PPIAL4H: variants seen among roughly 807,000 people sequenced by gnomAD.
PPIAL4H encodes peptidylprolyl isomerase A like 4H, also known as peptidyl-prolyl cis-trans isomerase A-like 4H.
A neutral mutation model predicts 7.5 loss-of-function variants in PPIAL4H; 6 were observed. The ratio of observed to expected loss-of-function variants is 0.80; its 90% CI spans 0.44 to 1.58. The LOEUF (loss-of-function observed/expected upper bound fraction) is 1.58, where lower values mean the gene tolerates loss of function less well. PPIAL4H is among the 40% of genes most tolerant of loss of function. PPIAL4H has a pLI of 0.01. For synonymous variants in PPIAL4H, 43 were observed against 76.6 expected (o/e 0.56, Z 2.29); for missense variants, 115 against 211.6 (o/e 0.54, Z 2.83).
chr1:146,344,481 A>C lies in PPIAL4H; in HGVS notation c.235T>G (p.Tyr79Asp). Reference sequence around the variant, plus strand: ...TTCTCATCATCAAATTTCTCCCCATAGATGGACTTGTCATCGGTGCCATTA... The same window carrying C: ...TTCTCATCATCAAATTTCTCCCCATCGATGGACTTGTCATCGGTGCCATTA... ...RPNGTDDKSIYGEKFDDENLI... is the reference protein window; with the variant it reads ...RPNGTDDKSIDGEKFDDENLI... Residue 79 changes from tyrosine to aspartate, a missense_variant, in exon 1 of 1, where the codon TAT becomes GAT. Tyr to Asp is a radical substitution (Grantham distance 160). Coordinates refer to ENST00000584068, the MANE Select transcript of PPIAL4H (RefSeq NM_001368128.3). 6.3e-7 allele frequency: 1 copy of C among 1,588,516 alleles called. No homozygotes were observed.
rs1387879833 is a variant in PPIAL4H at position 146,344,386 on chromosome 1, G to A, written c.330C>T (p.Ser110=). ...MVNAGPNTNG[S]QLFICTAKTE... ...TCTTGGCAGTGCAGATGAATAACTG[G>A]GAGCCATTTGTGTTGGGTCCAGCAT... The change falls in exon 1 of 1, where the codon TCC becomes TCT. Residue 110 remains serine, a synonymous_variant. Transcript: ENST00000584068. The A allele has an allele frequency of 1.0e-5, 16 of 1,588,300 alleles. 1 individual carries two copies. The African/African-American group carries it at 1.2e-4, about 12-fold the overall frequency.
rs1666622119 is a variant in PPIAL4H, at chr1:146,344,583, C to T, written c.133G>A (p.Gly45Arg). The change falls in exon 1 of 1, where the codon GGA (glycine) becomes AGA (arginine). Residue 45 changes from glycine to arginine, a missense_variant. Physicochemically the swap from Gly to Arg is moderately radical, Grantham distance 125. Around this residue, in one of 3 missense-constraint regions of PPIAL4H, gnomAD observed 36 missense variants for 100.4 expected, o/e 0.36. Transcript: ENST00000584068. ...AAGCAGGAACCCTTATAACGAAATC[C>T]TTTCTCTCCAGTGCTCAGAGCACGA... ...NFRALSTGEK[G>R]FRYKGSCFHR... The T allele has an allele frequency of 1.3e-6, 2 of 1,576,056 alleles. No homozygotes were observed. Among genetic ancestry groups the T allele is most frequent in the Non-Finnish European group, 8.6e-7 (1 of 1,157,786 alleles).
chr1:146,344,202 A>G lies in PPIAL4H; in HGVS notation c.*19T>C. On this transcript the variant is annotated 3_prime_UTR_variant, in exon 1 of 1. Coordinates refer to ENST00000584068, the MANE Select transcript of PPIAL4H (RefSeq NM_001368128.3). ...AATGAATGGGTCTGGTGGTGAAAAT[A>G]AAACACAAGTCAAACTCATTAGAAT... 1 of 1,558,000 alleles carries G rather than the reference A, an allele frequency of 6.4e-7. No individual in the cohort carries two copies. The highest frequency in any genetic ancestry group is 1.7e-5 in the Admixed American group (1 of 58,094).
Position 146,344,156 on chromosome 1 carries a change from G to T in PPIAL4H, c.*65C>A. ...GATATTGCAAGCAAATGTGGTGGAG[G>T]GGTGCTCTCCTGAGCTACAGAATGA... On this transcript the variant is annotated 3_prime_UTR_variant, in exon 1 of 1. Transcript: ENST00000584068. 6.5e-7 allele frequency: 1 copy of T among 1,546,590 alleles called. No homozygotes were observed.
Position 146,344,697 on chromosome 1 carries a change from AGAC to A in PPIAL4H, c.16_18del (p.Val6del). 1 of 1,395,174 alleles carries A rather than the reference AGAC, an allele frequency of 7.2e-7. No homozygotes were observed. The highest frequency in any genetic ancestry group is 9.9e-7 in the Non-Finnish European group (1 of 1,014,480). The allele number at this position is 1,395,174 out of a possible 1,614,324, so 86.4% of individuals were successfully genotyped here. A position where few individuals can be genotyped will look rare whatever the true frequency, so the allele number is the denominator to read the frequency against. ...TTGCCGTCGACGGTGATGTCAAAAA[AGAC>A]GACGGAGTTGACCATGGCTGATAGT... On this transcript the variant is annotated inframe_deletion, in exon 1 of 1. Coordinates refer to ENST00000584068, the MANE Select transcript of PPIAL4H (RefSeq NM_001368128.3).
In PPIAL4H at chr1:146,344,428, G is replaced by A. The variant is rs1460324785; in HGVS notation, c.288C>T (p.Gly96=). 1.9e-6 allele frequency: 3 copies of A among 1,588,676 alleles called. No individual in the cohort carries two copies. The highest frequency in any genetic ancestry group is 1.7e-5 in the Admixed American group (1 of 58,682). ...GTCCAGCATTTACCATGGACAAGAT[G>A]CCAGAACCTGTATGCTTTCGGATGA... ...ENLIRKHTGS[G]ILSMVNAGPN... The change falls in exon 1 of 1, where the codon GGC becomes GGT. Residue 96 remains glycine, a synonymous_variant. Transcript: ENST00000584068.
Position 146,344,216 on chromosome 1 carries a change from A to G in PPIAL4H, c.*5T>C. 2 of 1,559,112 alleles carry G rather than the reference A, an allele frequency of 1.3e-6. No individual in the cohort carries two copies. Among genetic ancestry groups the G allele is most frequent in the South Asian group, 1.1e-5 (1 of 89,276 alleles). On this transcript the variant is annotated 3_prime_UTR_variant, in exon 1 of 1. Transcript: ENST00000584068. ...GTGGTGAAAATAAAACACAAGTCAA[A>G]CTCATTAGAATTGTCCACAGTCAGC... is the stretch of plus-strand genomic sequence containing the variant.
In PPIAL4H at chr1:146,344,654, G is replaced by C; in HGVS notation, c.62C>G (p.Ser21Cys). The C allele has an allele frequency of 6.6e-7, 1 of 1,513,422 alleles. No individual in the cohort carries two copies. Among genetic ancestry groups the C allele is most frequent in the South Asian group, 1.1e-5 (1 of 87,698 alleles). 93.7% of individuals were successfully genotyped at this position (1,513,422 alleles called of 1,614,324 possible). Residue 21 changes from serine to cysteine, a missense_variant, in exon 1 of 1, where the codon TCC (serine) becomes TGC (cysteine). This residue lies in a region of PPIAL4H where 36 missense variants were observed against 100.4 expected (regional missense o/e 0.36). Coordinates refer to ENST00000584068, the MANE Select transcript of PPIAL4H (RefSeq NM_001368128.3). The part of the protein sequence containing the change: ...TVDGKPLGRI[S>C]IKLFADKIPK... ...AATCTTGTCTGCAAACAGTTTGATG[G>C]AGATGCGGCCCAAGGGCTTGCCGTC...
chr1:146,344,306 T>G lies in PPIAL4H; in HGVS notation c.410A>C (p.Asn137Thr). ...AAAGTGCTCCATGGCTTCCACAATA[T>G]TCACACGTTCTTTCACCTTGCCAAA... ...VAFGKVKERV[N>T]IVEAMEHFGY... Residue 137 changes from asparagine (N) to threonine (T), a missense_variant, in exon 1 of 1, where the codon AAT becomes ACT. Coordinates refer to ENST00000584068, the MANE Select transcript of PPIAL4H (RefSeq NM_001368128.3). 6.3e-7 allele frequency: 1 copy of G among 1,578,560 alleles called. No homozygotes were observed. Among genetic ancestry groups the G allele is most frequent in the Non-Finnish European group, 8.6e-7 (1 of 1,161,282 alleles).
chr1:146,344,607 G>A lies in PPIAL4H; in HGVS notation c.109C>T (p.Arg37Cys), dbSNP rs1666622377. Residue 37 changes from arginine to cysteine, a missense_variant, in exon 1 of 1, where the codon CGT becomes TGT. This residue lies in a region of PPIAL4H where 36 missense variants were observed against 100.4 expected (regional missense o/e 0.36). Transcript: ENST00000584068. ...DKIPKTAENF[R>C]ALSTGEKGFR... ...CCTTTCTCTCCAGTGCTCAGAGCACGAAAGTTTTCTGCTGTCTTTGGAATC... is the reference window on the plus strand; with the variant it reads ...CCTTTCTCTCCAGTGCTCAGAGCACAAAAGTTTTCTGCTGTCTTTGGAATC... The A allele has an allele frequency of 3.8e-6, 6 of 1,564,848 alleles. No individual in the cohort carries two copies. The highest frequency in any genetic ancestry group is 3.4e-5 in the South Asian group (3 of 89,036).
chr1:146,344,345 C>T lies in PPIAL4H; in HGVS notation c.371G>A (p.Gly124Asp), dbSNP rs1666618760. 1 of 1,585,414 alleles carries T rather than the reference C, an allele frequency of 6.3e-7. No individual in the cohort carries two copies. The highest frequency in any genetic ancestry group is 8.6e-7 in the Non-Finnish European group (1 of 1,161,980). ...CACCTTGCCAAAGGCCACATGCTTGCCATCCAACCACTCAGTCTTGGCAGT... is the reference window on the plus strand; with the variant it reads ...CACCTTGCCAAAGGCCACATGCTTGTCATCCAACCACTCAGTCTTGGCAGT... ...ICTAKTEWLDGKHVAFGKVKE... is the reference protein window; with the variant it reads ...ICTAKTEWLDDKHVAFGKVKE... The change falls in exon 1 of 1, where the codon GGC becomes GAC. Residue 124 changes from glycine to aspartate, a missense_variant. Physicochemically the swap from Gly to Asp is moderately conservative, Grantham distance 94. Transcript: ENST00000584068.
In PPIAL4H at chr1:146,344,366, G is replaced by A. The variant is rs1666619085; in HGVS notation, c.350C>T (p.Ala117Val). The change falls in exon 1 of 1, where the codon GCC (alanine) becomes GTC (valine). Residue 117 changes from alanine to valine, a missense_variant. Around this residue, in one of 3 missense-constraint regions of PPIAL4H, gnomAD observed 68 missense variants for 75.8 expected, o/e 0.90. Transcript: ENST00000584068. ...CTTGCCATCCAACCACTCAGTCTTG[G>A]CAGTGCAGATGAATAACTGGGAGCC... Reference protein sequence around the residue: ...TNGSQLFICTAKTEWLDGKHV... With the variant: ...TNGSQLFICTVKTEWLDGKHV... 3.2e-6 allele frequency: 5 copies of A among 1,587,154 alleles called. No individual in the cohort carries two copies. Among genetic ancestry groups the A allele is most frequent in the East Asian group, 4.5e-5 (2 of 43,990 alleles).
Position 146,344,751 on chromosome 1 carries a change from C to T in PPIAL4H, c.-36G>A. On this transcript the variant is annotated 5_prime_UTR_variant, in exon 1 of 1. Transcript: ENST00000584068. ...ACAGGGCTCACAGCGATGGTGGCGT[C>T]TGCAAAGATAACCACTGATCTTTTT... is the stretch of plus-strand genomic sequence containing the variant. 1 of 1,046,426 alleles carries T rather than the reference C, an allele frequency of 9.6e-7. No homozygotes were observed. The highest frequency in any genetic ancestry group is 1.4e-6 in the Non-Finnish European group (1 of 735,626). 64.8% of individuals were successfully genotyped at this position (1,046,426 alleles called of 1,614,324 possible). A position where few individuals can be genotyped will look rare whatever the true frequency, so the allele number is the denominator to read the frequency against.
rs1487398830 is a variant in PPIAL4H at position 146,344,623 on chromosome 1, C to T, written c.93G>A (p.Lys31=). ...TCAGAGCACGAAAGTTTTCTGCTGT[C>T]TTTGGAATCTTGTCTGCAAACAGTT... ...SIKLFADKIP[K]TAENFRALST... Residue 31 remains lysine (K), a synonymous_variant, in exon 1 of 1, where the codon AAG becomes AAA. Coordinates refer to ENST00000584068, the MANE Select transcript of PPIAL4H (RefSeq NM_001368128.3). 7.7e-6 allele frequency: 12 copies of T among 1,550,628 alleles called. 1 individual carries two copies. Among genetic ancestry groups the T allele is most frequent in the Admixed American group, 5.4e-5 (3 of 55,718 alleles).
Position 146,344,484 on chromosome 1 carries a change from T to A in PPIAL4H, c.232A>T (p.Ile78Phe). Residue 78 changes from isoleucine (I) to phenylalanine (F), a missense_variant, in exon 1 of 1, where the codon ATC becomes TTC. Physicochemically the swap from Ile to Phe is conservative, Grantham distance 21. This residue lies in a region of PPIAL4H where 68 missense variants were observed against 75.8 expected (regional missense o/e 0.90). Transcript: ENST00000584068. ...TCATCATCAAATTTCTCCCCATAGA[T>A]GGACTTGTCATCGGTGCCATTAGGG... The part of the protein sequence containing the change: ...TRPNGTDDKS[I>F]YGEKFDDENL... 6.3e-7 allele frequency: 1 copy of A among 1,588,442 alleles called. No homozygotes were observed. The highest frequency in any genetic ancestry group is 8.6e-7 in the Non-Finnish European group (1 of 1,163,170).
In PPIAL4H at chr1:146,344,603, G is replaced by T; in HGVS notation, c.113C>A (p.Ala38Asp). 1 of 1,568,028 alleles carries T rather than the reference G, an allele frequency of 6.4e-7. No homozygotes were observed. Among genetic ancestry groups the T allele is most frequent in the Admixed American group, 1.8e-5 (1 of 56,802 alleles). Reference protein sequence around the residue: ...KIPKTAENFRALSTGEKGFRY... With the variant: ...KIPKTAENFRDLSTGEKGFRY... ...AAATCCTTTCTCTCCAGTGCTCAGAGCACGAAAGTTTTCTGCTGTCTTTGG... is the reference window on the plus strand; with the variant it reads ...AAATCCTTTCTCTCCAGTGCTCAGATCACGAAAGTTTTCTGCTGTCTTTGG... Residue 38 changes from alanine (A) to aspartate (D), a missense_variant, in exon 1 of 1, where the codon GCT becomes GAT. Coordinates refer to ENST00000584068, the MANE Select transcript of PPIAL4H (RefSeq NM_001368128.3).
At position 146,344,535 on chromosome 1, in the gene PPIAL4H, T is replaced by C. The variant is rs1666621447; in HGVS notation, c.181A>G (p.Met61Val). 1 of 1,585,954 alleles carries C rather than the reference T, an allele frequency of 6.3e-7. No individual in the cohort carries two copies. The highest frequency in any genetic ancestry group is 1.4e-5 in the African/African-American group (1 of 72,574). Reference protein sequence around the residue: ...SCFHRIIPGFMCQGGDFTRPN... With the variant: ...SCFHRIIPGFVCQGGDFTRPN... ...CGTGTGAAGTCACCACCCTGACACA[T>C]AAACCCTGGAATAATTCTGTGAAAG... is the stretch of plus-strand genomic sequence containing the variant. The change falls in exon 1 of 1, where the codon ATG becomes GTG. Residue 61 changes from methionine to valine, a missense_variant. Met to Val is a conservative substitution (Grantham distance 21, BLOSUM62 1). Coordinates refer to ENST00000584068, the MANE Select transcript of PPIAL4H (RefSeq NM_001368128.3).
In PPIAL4H at chr1:146,344,267, C is replaced by T. The variant is rs1325211802; in HGVS notation, c.449G>A (p.Ser150Asn). The change falls in exon 1 of 1, where the codon AGC (serine) becomes AAC (asparagine). Residue 150 changes from serine (S) to asparagine (N), a missense_variant. This residue lies in a region of PPIAL4H where 11 missense variants were observed against 35.4 expected (regional missense o/e 0.31). Transcript: ENST00000584068. ...EAMEHFGYRN[S>N]KTSKKITIAD... ...AATGGTGATCTTCTTGCTGGTCTTG[C>T]TATTCCTGTACCCAAAGTGCTCCAT... 15 of 1,567,148 alleles carry T rather than the reference C, an allele frequency of 9.6e-6. 2 individuals carry two copies. Among genetic ancestry groups the T allele is most frequent in the Non-Finnish European group, 1.3e-5 (15 of 1,158,944 alleles).
chr1:146,344,685 T>C lies in PPIAL4H; in HGVS notation c.31A>G (p.Thr11Ala). 16 of 1,445,828 alleles carry C rather than the reference T, an allele frequency of 1.1e-5. 2 individuals are homozygous for C. The highest frequency in any genetic ancestry group is 1.2e-5 in the Non-Finnish European group (13 of 1,055,744). 89.6% of individuals were successfully genotyped at this position (1,445,828 alleles called of 1,614,324 possible). A position where few individuals can be genotyped will look rare whatever the true frequency, so the allele number is the denominator to read the frequency against. The change falls in exon 1 of 1, where the codon ACC becomes GCC. Residue 11 changes from threonine to alanine, a missense_variant. Physicochemically the swap from Thr to Ala is moderately conservative, Grantham distance 58 (BLOSUM62 0). Coordinates refer to ENST00000584068, the MANE Select transcript of PPIAL4H (RefSeq NM_001368128.3). MVNSVVFFDI[T>A]VDGKPLGRIS... Reference sequence around the variant, plus strand: ...CGGCCCAAGGGCTTGCCGTCGACGGTGATGTCAAAAAAGACGACGGAGTTG... The same window carrying C: ...CGGCCCAAGGGCTTGCCGTCGACGGCGATGTCAAAAAAGACGACGGAGTTG...
Sources: gnomAD v4.1 joint callset for allele counts on GRCh38, gnomAD v4.1.1 for gene constraint, gnomAD v4.1.1 regional missense constraint, MANE v1.5 for transcripts, NCBI Gene and HGNC (gene_info 2026-07-23, HGNC 2026-07-21) for gene names.